Variants in NTM observed in about 807,000 individuals in gnomAD.
The protein encoded by NTM is IgLON family member 2.
NTM carries 13 observed loss-of-function variants against 42.1 expected under a neutral mutation model. The ratio of observed to expected loss-of-function variants is 0.31; its 90% CI spans 0.20 to 0.49. The LOEUF (loss-of-function observed/expected upper bound fraction) is 0.49. Ranked by LOEUF, NTM falls within the 20% of genes least tolerant of loss-of-function variation. The probability of loss-of-function intolerance (pLI) is 0.99; values close to 1 mark genes in which losing one functional copy is unlikely to be tolerated. For synonymous variants in NTM, 187 were observed against 179.2 expected (o/e 1.04, Z -0.35); for missense variants, 373 against 452.8 (o/e 0.82, Z 1.60).
At chr11:132,318,656 T>A (rs575590241) in intron 7 of NTM, among the ~76,000 whole-genome samples, 2 of 152,326 alleles carry the variant, frequency 1.3e-5, no homozygotes, top group African/African-American at 4.8e-5. Flanking sequence ...CCGCGTGCAC[T>A]GCTGTCACCC....
At chr11:132,298,820 A>G (rs1015684167) in intron 4 of NTM, among the ~76,000 whole-genome samples, 1 of 152,182 alleles carries the variant, frequency 6.6e-6, no homozygotes, top group Non-Finnish European at 1.5e-5. Flanking sequence ...CCAACTATCA[A>G]ATGAGTTCTT....
intron 1 of NTM, among the ~76,000 whole-genome samples, chr11:131,378,002 C>A (rs376876488): frequency 8.5e-5 from 13 of 152,346 alleles, no homozygotes; most frequent in African/African-American, 3.1e-4. Context: ...TAGGTGCAAT[C>A]TGCATTTATT....
chr11:132,292,215 CA>C (rs1224057248), intron 4 of NTM, among the ~76,000 whole-genome samples: 1 of 152,136 alleles, frequency 6.6e-6, no homozygotes, highest in Non-Finnish European at 1.5e-5. Context: ...ATTTGTTAGA[CA>C]GTTACTGTAA....
intron 2 of NTM, among the ~76,000 whole-genome samples, chr11:131,978,793 G>A (rs1385181908): frequency 6.6e-6 from 1 of 152,216 alleles, no homozygotes; most frequent in East Asian, 1.9e-4. Context: ...GCACATTGAA[G>A]GCTGTGAGAG....
intron 1 of NTM, among the ~76,000 whole-genome samples, chr11:131,574,193 GC>G (rs2057718896): frequency 6.6e-6 from 1 of 152,038 alleles, no homozygotes; most frequent in South Asian, 2.1e-4. Context: ...ATCTTTAAAT[GC>G]CAACTTTATG....
chr11:131,685,592 G>A (rs182233050), intron 1 of NTM, among the ~76,000 whole-genome samples: 2 of 152,340 alleles, frequency 1.3e-5, no homozygotes, highest in Admixed American at 6.5e-5. Flanking sequence ...CTCGTAGCAA[G>A]TGAATAGCTC....
intron 1 of NTM, among the ~76,000 whole-genome samples, chr11:131,876,121 C>T (rs1281111358): frequency 2.0e-5 from 3 of 152,008 alleles, no homozygotes; most frequent in African/African-American, 4.8e-5. Flanking sequence ...TTCCTTTTCT[C>T]CCTCTCCAAA....
intron 2 of NTM, among the ~76,000 whole-genome samples, chr11:132,065,101 A>C (rs1042854468): frequency 2.0e-5 from 3 of 152,194 alleles, no homozygotes; most frequent in African/African-American, 7.2e-5. Flanking sequence ...CTCTTGGGGA[A>C]ACTCCTACAG....
intron 7 of NTM, among the ~76,000 whole-genome samples, chr11:132,329,828 A>T (rs1193919504): frequency 6.6e-6 from 1 of 152,224 alleles, no homozygotes; most frequent in East Asian, 1.9e-4. Context: ...CTCAGGCTCC[A>T]AAGGTGCAGC....
chr11:131,450,855 T>G (rs935000715), intron 1 of NTM, among the ~76,000 whole-genome samples: 1 of 152,168 alleles, frequency 6.6e-6, no homozygotes, highest in East Asian at 1.9e-4. Context: ...AAATATTCAT[T>G]CAGGGTTATG....
intron 1 of NTM, among the ~76,000 whole-genome samples, chr11:131,899,559 C>T (rs180678921): frequency 1.3e-5 from 2 of 152,202 alleles, no homozygotes; most frequent in Admixed American, 6.5e-5. Context: ...TTCAGATGTC[C>T]GAGTTACCTG....
intron 1 of NTM, among the ~76,000 whole-genome samples, chr11:131,386,648 T>C (rs1323901675): frequency 6.6e-6 from 1 of 152,228 alleles, no homozygotes; most frequent in Non-Finnish European, 1.5e-5. Flanking sequence ...CACACACCTA[T>C]GTCCAGGTCC....
intron 1 of NTM, among the ~76,000 whole-genome samples, chr11:131,475,456 C>T (rs896087368): frequency 1.3e-5 from 2 of 151,882 alleles, no homozygotes; most frequent in South Asian, 2.1e-4. Context: ...CTGTCCCTCT[C>T]GGCAAAATGG....
intron 1 of NTM, among the ~76,000 whole-genome samples, chr11:131,494,835 T>C (rs1011827314): frequency 6.6e-6 from 1 of 152,210 alleles, no homozygotes; most frequent in African/African-American, 2.4e-5. Flanking sequence ...ATTTTAACAA[T>C]GAAGATGCAG....
chr11:131,834,105 T>C (rs904026129), intron 1 of NTM, among the ~76,000 whole-genome samples: 26 of 152,142 alleles, frequency 1.7e-4, no homozygotes, highest in Admixed American at 1.6e-3. Context: ...CGTTTGTTCA[T>C]TGGTTTCTGT....
At chr11:131,847,299 C>G in intron 1 of NTM, among the ~76,000 whole-genome samples, 1 of 151,812 alleles carries the variant, frequency 6.6e-6, no homozygotes, top group East Asian at 1.9e-4. Flanking sequence ...ACATAAGTTT[C>G]AATTCTTATT....
At chr11:132,073,005 G>T (rs986400299) in intron 2 of NTM, among the ~76,000 whole-genome samples, 24 of 152,300 alleles carry the variant, frequency 1.6e-4, no homozygotes, top group African/African-American at 5.8e-4. Context: ...GAAAAATGAG[G>T]CTGGCTTATG....
At chr11:132,129,255 A>G (rs903844218) in intron 2 of NTM, among the ~76,000 whole-genome samples, 1 of 152,196 alleles carries the variant, frequency 6.6e-6, no homozygotes, top group African/African-American at 2.4e-5. Context: ...TATAGTGCAT[A>G]CAGCTGTGTA....
intron 1 of NTM, among the ~76,000 whole-genome samples, chr11:131,481,074 G>A (rs12421680): frequency 0.45 from 68,510 of 151,864 alleles, 16,732 homozygotes; most frequent in East Asian, 0.68. Flanking sequence ...GAAGAAAACA[G>A]TAGAGTAGGT....
Sources: gnomAD v4.1 joint callset for allele counts (sites outside exome capture counted in the v4.1 genomes callset) on GRCh38, gnomAD v4.1.1 for gene constraint, MANE v1.5 for transcripts, NCBI Gene and HGNC (gene_info 2026-07-23, HGNC 2026-07-21) for gene names.